Variants in TUBB3 observed in about 807,000 individuals in gnomAD.
TUBB3 encodes the protein tubulin beta 3 class III.
Under a neutral mutation model 37.8 loss-of-function variants are expected in TUBB3, and 17 were observed. The observed-to-expected ratio is 0.45, with a 90% CI of 0.31 to 0.67. The LOEUF (loss-of-function observed/expected upper bound fraction) is 0.67. Ranked by LOEUF, TUBB3 falls within the 30% of genes least tolerant of loss-of-function variation. The pLI is 0.07. For synonymous variants in TUBB3, 332 were observed against 278.9 expected (o/e 1.19, Z -1.90); for missense variants, 262 against 657.9 (o/e 0.40, Z 6.58).
intron 1 of TUBB3, among the ~76,000 whole-genome samples, chr16:89,926,473 G>T (rs2030088987): frequency 6.6e-6 from 1 of 152,220 alleles, no homozygotes; most frequent in Admixed American, 6.5e-5. Context: ...GCCCGGCCCC[G>T]CTTTCCCCAG....
At chr16:89,933,609 C>T (rs2030347214) in intron 3 of TUBB3, 31 bp downstream of exon 3, 2 of 1,551,464 alleles carry the variant, frequency 1.3e-6, no homozygotes, top group African/African-American at 1.4e-5. Flanking sequence ...GCTCTGATGG[C>T]AGACCCCATC....
chr16:89,923,210 A>G (rs941095059), upstream of TUBB3: 2 of 230,300 alleles, frequency 8.7e-6, no homozygotes, highest in Non-Finnish European at 1.6e-5. Context: ...GCGGGCGGGG[A>G]CGCGCGGTGC....
chr16:89,924,545 G>C (rs906309470), intron 1 of TUBB3, among the ~76,000 whole-genome samples: 1 of 152,104 alleles, frequency 6.6e-6, no homozygotes, highest in African/African-American at 2.4e-5. Context: ...TGGGAAGGAG[G>C]GGGTGCAGGA....
intron 1 of TUBB3, among the ~76,000 whole-genome samples, chr16:89,926,400 C>T (rs940000336): frequency 6.6e-6 from 1 of 152,262 alleles, no homozygotes; most frequent in African/African-American, 2.4e-5. Flanking sequence ...CTTGGAGGCC[C>T]CAGTCTCGCA....
At chr16:89,927,940 G>C (rs1174346743) in intron 1 of TUBB3, among the ~76,000 whole-genome samples, 1 of 152,202 alleles carries the variant, frequency 6.6e-6, no homozygotes, top group Non-Finnish European at 1.5e-5. Flanking sequence ...CAGTGCTTTG[G>C]GGAGCAAGGT....
At chr16:89,922,600 AT>A (rs1416232327), upstream of TUBB3, 2 of 152,190 alleles carry the variant, frequency 1.3e-5, no homozygotes, top group Non-Finnish European at 2.9e-5. Flanking sequence ...CCTTGTGACA[AT>A]TCCTGACACG....
intron 1 of TUBB3, among the ~76,000 whole-genome samples, chr16:89,926,046 G>A (rs899521843): frequency 1.4e-4 from 21 of 151,992 alleles, no homozygotes; most frequent in Non-Finnish European, 1.0e-4. Context: ...GTCACCCCGG[G>A]GGGGGCAGGG....
chr16:89,928,673 C>CT (rs2030171925), intron 1 of TUBB3, among the ~76,000 whole-genome samples: 6 of 151,942 alleles, frequency 3.9e-5, no homozygotes, highest in African/African-American at 1.5e-4. Context: ...TACAGGTGCC[C>CT]GCCACCGCGC....
At chr16:89,933,614 C>G in intron 3 of TUBB3, 36 bp downstream of exon 3, 1 of 1,535,012 alleles carries the variant, frequency 6.5e-7, no homozygotes, top group South Asian at 1.1e-5. Context: ...GATGGCAGAC[C>G]CCATCACAGG....
Position 89,934,763 on chromosome 16 carries a change from T to A in TUBB3, c.312T>A (p.Gly104=). ...GGGCCGGCAACAACTGGGCCAAGGG[T>A]CACTACACGGAGGGGGCGGAGCTGG... is the stretch of plus-strand genomic sequence containing the variant. The part of the protein sequence containing the change: ...QSGAGNNWAK[G]HYTEGAELVD... The change falls in exon 4 of 4, where the codon GGT becomes GGA. Residue 104 remains glycine (G), a synonymous_variant. Coordinates refer to ENST00000315491, the MANE Select transcript of TUBB3 (RefSeq NM_006086.4). 1 of 1,613,904 alleles carries A rather than the reference T, an allele frequency of 6.2e-7. No individual in the cohort carries two copies. The highest frequency in any genetic ancestry group is 8.5e-7 in the Non-Finnish European group (1 of 1,179,962).
intron 1 of TUBB3, among the ~76,000 whole-genome samples, 177 bp downstream of exon 1, chr16:89,923,635 A>C (rs1348377253): frequency 6.6e-6 from 1 of 151,732 alleles, no homozygotes; most frequent in Non-Finnish European, 1.5e-5. Flanking sequence ...TCTCGCCTGC[A>C]CCTCTCTGCC....
intron 1 of TUBB3, among the ~76,000 whole-genome samples, chr16:89,924,936 G>A (rs1306758881): frequency 6.6e-6 from 1 of 151,794 alleles, no homozygotes; most frequent in Non-Finnish European, 1.5e-5. Context: ...GGAGGGTCAG[G>A]GGTCGCTGGG....
intron 1 of TUBB3, 101 bp from the exon 2 acceptor site, chr16:89,932,470 A>T: frequency 1.0e-6 from 1 of 962,758 alleles, no homozygotes; most frequent in Non-Finnish European, 1.7e-6. Context: ...GTGGGTCAAA[A>T]GCCCTAATTT....
chr16:89,925,256 T>G (rs1374493364), intron 1 of TUBB3, among the ~76,000 whole-genome samples: 1 of 152,142 alleles, frequency 6.6e-6, no homozygotes, highest in East Asian at 1.9e-4. Flanking sequence ...TTATTCCTTT[T>G]GAGTTGTTTG....
intron 1 of TUBB3, among the ~76,000 whole-genome samples, chr16:89,927,992 A>G (rs1333487431): frequency 6.6e-6 from 1 of 152,154 alleles, no homozygotes; most frequent in Admixed American, 6.5e-5. Context: ...TTAATGGGGG[A>G]TCCTCAAAGA....
In TUBB3 at chr16:89,935,821, A is replaced by G. The variant is rs751581398; in HGVS notation, c.*17A>G. 1 of 1,608,424 alleles carries G rather than the reference A, an allele frequency of 6.2e-7. No individual in the cohort carries two copies. Among genetic ancestry groups the G allele is most frequent in the South Asian group, 1.1e-5 (1 of 90,886 alleles). On this transcript the variant is annotated 3_prime_UTR_variant, in exon 4 of 4. Transcript: ENST00000315491. ...CCCAAGTGAAGCTGCTCGCAGCTGGAGTGAGAGGCAGGTGGCGGCCGGGGC... is the reference window on the plus strand; with the variant it reads ...CCCAAGTGAAGCTGCTCGCAGCTGGGGTGAGAGGCAGGTGGCGGCCGGGGC...
intron 3 of TUBB3, chr16:89,934,431 T>C: frequency 1.7e-6 from 1 of 576,982 alleles, no homozygotes; most frequent in South Asian, 1.5e-5. Context: ...AAGGAAGGTA[T>C]GCTGGAGCAG....
chr16:89,929,201 G>T (rs773621916), intron 1 of TUBB3, among the ~76,000 whole-genome samples: 1 of 152,096 alleles, frequency 6.6e-6, no homozygotes, highest in African/African-American at 2.4e-5. Flanking sequence ...GACTTCAAGT[G>T]ATCTGCCTGC....
At chr16:89,926,450 C>T (rs2030087781) in intron 1 of TUBB3, among the ~76,000 whole-genome samples, 1 of 152,274 alleles carries the variant, frequency 6.6e-6, no homozygotes, top group Non-Finnish European at 1.5e-5. Context: ...CTGCCTTGGC[C>T]ACTGCCCTCA....
Sources: gnomAD v4.1 joint callset for allele counts (sites outside exome capture counted in the v4.1 genomes callset) on GRCh38, gnomAD v4.1.1 for gene constraint, MANE v1.5 for transcripts, NCBI Gene and HGNC (gene_info 2026-07-23, HGNC 2026-07-21) for gene names.